The following HENMT1 variants were observed in gnomAD, a reference collection of about 807,000 sequenced individuals.
The protein encoded by HENMT1 is HEN methyltransferase 1.
HENMT1 carries 27 observed loss-of-function variants against 31.1 expected under a neutral mutation model. The ratio of observed to expected loss-of-function variants is 0.87; its 90% confidence interval spans 0.64 to 1.20. The LOEUF (loss-of-function observed/expected upper bound fraction) is 1.20. Among genes scored for constraint, HENMT1 ranks in the 50% most tolerant of loss-of-function variants. HENMT1 has a pLI of 0.00. For synonymous variants in HENMT1, 167 were observed against 172.2 expected (o/e 0.97, Z 0.24); for missense variants, 438 against 469.6 (o/e 0.93, Z 0.62).
chr1:108,659,911 A>C lies in HENMT1; in HGVS notation c.-27T>G. 1 of 1,597,410 alleles carries C rather than the reference A, an allele frequency of 6.3e-7. No individual in the cohort carries two copies. The highest frequency in any genetic ancestry group is 2.3e-5 in the East Asian group (1 of 43,842). ...TTGTTTCGAAGTTTTGTTGAAACAA[A>C]AATGAAGATTTATCCTTCAAGCTCT... is the stretch of plus-strand genomic sequence containing the variant. On this transcript the variant is annotated 5_prime_UTR_variant, in exon 2 of 8. Transcript: ENST00000651461.
chr1:108,657,620 C>T (rs1284562283), intron 2 of HENMT1, 41 bp from the exon 3 acceptor site: 2 of 1,568,580 alleles, frequency 1.3e-6, no homozygotes, highest in Non-Finnish European at 1.7e-6. Flanking sequence ...CTAAATCATG[C>T]ATGACTTCAG....
At chr1:108,654,433 G>A (rs1198361640) in intron 5 of HENMT1, among the ~76,000 whole-genome samples, 1 of 152,198 alleles carries the variant, frequency 6.6e-6, no homozygotes, top group Non-Finnish European at 1.5e-5. Context: ...GGGTGAACAG[G>A]AGAGGGAGGG....
rs1658165261 is a variant in HENMT1, at chr1:108,654,768, C to T, written c.346G>A (p.Val116Met). ...LTITLYHGSV[V>M]ERDSRLLGFD... The stretch of plus-strand genomic sequence containing the variant: ...CCAAGCAAACGAGAGTCTCTCTCCA[C>T]AACGGAGCCATGATACAATGTGATG... The change falls in exon 5 of 8, where the codon GTG becomes ATG. Residue 116 changes from valine (V) to methionine (M), a missense_variant. By Grantham distance (21) the Val-to-Met change is conservative (BLOSUM62 1). Coordinates refer to ENST00000651461, the MANE Select transcript of HENMT1 (RefSeq NM_001102592.2). 2 of 1,614,102 alleles carry T rather than the reference C, an allele frequency of 1.2e-6. No individual in the cohort carries two copies. Among genetic ancestry groups the T allele is most frequent in the Non-Finnish European group, 1.7e-6 (2 of 1,179,970 alleles).
chr1:108,649,066 CT>C, intron 7 of HENMT1, 75 bp from the exon 8 acceptor site: 2 of 1,231,602 alleles, frequency 1.6e-6, no homozygotes, highest in Non-Finnish European at 1.1e-6. Context: ...CCATCAATAA[CT>C]TTTTTGCCAT....
intron 2 of HENMT1, among the ~76,000 whole-genome samples, chr1:108,657,879 A>C (rs1206767706): frequency 4.6e-5 from 7 of 151,884 alleles, no homozygotes; most frequent in Non-Finnish European, 1.0e-4. Context: ...ATGACTCCTA[A>C]CCATAAGGGA....
At chr1:108,653,863 C>T (rs1658134120) in intron 5 of HENMT1, among the ~76,000 whole-genome samples, 1 of 152,178 alleles carries the variant, frequency 6.6e-6, no homozygotes, top group Admixed American at 6.6e-5. Flanking sequence ...GTTCTGTTCA[C>T]TCTATTCTTT....
At chr1:108,657,770 A>G (rs948781023) in intron 2 of HENMT1, among the ~76,000 whole-genome samples, 191 bp from the exon 3 acceptor site, 3 of 152,042 alleles carry the variant, frequency 2.0e-5, no homozygotes, top group Non-Finnish European at 2.9e-5. Flanking sequence ...GCATCCTCTC[A>G]TGCCTTTTAA....
chr1:108,655,874 C>CAA (rs922982030), intron 3 of HENMT1, among the ~76,000 whole-genome samples, 176 bp from the exon 4 acceptor site: 3 of 150,826 alleles, frequency 2.0e-5, no homozygotes, highest in African/African-American at 4.8e-5. Flanking sequence ...CACACACACA[C>CAA]ACACACACAC....
chr1:108,657,709 T>C, intron 2 of HENMT1, 130 bp from the exon 3 acceptor site: 1 of 799,480 alleles, frequency 1.3e-6, no homozygotes. Flanking sequence ...TCACATACCC[T>C]TTGTCCTAAA....
intron 7 of HENMT1, 26 bp from the exon 8 acceptor site, chr1:108,649,017 C>T (rs1437195500): frequency 6.6e-7 from 1 of 1,525,128 alleles, no homozygotes; most frequent in African/African-American, 1.4e-5. Flanking sequence ...AAAACACTTA[C>T]AAGTGTATAA....
At chr1:108,657,065 G>A (rs189701170) in intron 3 of HENMT1, among the ~76,000 whole-genome samples, 8 of 152,238 alleles carry the variant, frequency 5.3e-5, no homozygotes, top group Non-Finnish European at 1.2e-4. Context: ...TGCCTCAAAT[G>A]ATTATCATGA....
At position 108,648,477 on chromosome 1, in the gene HENMT1, T is replaced by A. The variant is rs1332992403; in HGVS notation, c.*89A>T. ...TTTTGCAGTGAAACTTTAAAAACATTACTTGAATTAGGATTACACAAAAAA... is the reference window on the plus strand; with the variant it reads ...TTTTGCAGTGAAACTTTAAAAACATAACTTGAATTAGGATTACACAAAAAA... On this transcript the variant is annotated 3_prime_UTR_variant, in exon 8 of 8. Transcript: ENST00000651461. 3 of 1,096,866 alleles carry A rather than the reference T, an allele frequency of 2.7e-6. No homozygotes were observed. The highest frequency in any genetic ancestry group is 3.9e-6 in the Non-Finnish European group (3 of 772,574). The allele number at this position is 1,096,866 out of a possible 1,614,324, so 67.9% of individuals were successfully genotyped here. A position where few individuals can be genotyped will look rare whatever the true frequency, so the allele number is the denominator to read the frequency against.
At position 108,654,752 on chromosome 1, in the gene HENMT1, C is replaced by CGG; in HGVS notation, c.361_362insCC (p.Arg121ProfsTer8). 1 of 1,613,998 alleles carries CGG rather than the reference C, an allele frequency of 6.2e-7. No homozygotes were observed. The highest frequency in any genetic ancestry group is 1.3e-5 in the African/African-American group (1 of 75,008). On this transcript the variant is annotated frameshift_variant, in exon 5 of 8. Coordinates refer to ENST00000651461, the MANE Select transcript of HENMT1 (RefSeq NM_001102592.2). LOFTEE classifies it high-confidence loss of function. ...CGTTATCAAGTCAAATCCAAGCAAACGAGAGTCTCTCTCCACAACGGAGCC... is the reference window on the plus strand; with the variant it reads ...CGTTATCAAGTCAAATCCAAGCAAACGGGAGAGTCTCTCTCCACAACGGAGCC...
At chr1:108,660,161 A>G (rs1328852367) in intron 1 of HENMT1, among the ~76,000 whole-genome samples, 199 bp from the exon 2 acceptor site, 4 of 151,068 alleles carry the variant, frequency 2.6e-5, no homozygotes, top group South Asian at 2.1e-4. Flanking sequence ...ACTCGAACAG[A>G]TATTTATACA....
chr1:108,648,527 T>A lies in HENMT1; in HGVS notation c.*39A>T. 1 of 1,555,152 alleles carries A rather than the reference T, an allele frequency of 6.4e-7. No individual in the cohort carries two copies. Among genetic ancestry groups the A allele is most frequent in the East Asian group, 2.3e-5 (1 of 44,200 alleles). On this transcript the variant is annotated 3_prime_UTR_variant, in exon 8 of 8. Coordinates refer to ENST00000651461, the MANE Select transcript of HENMT1 (RefSeq NM_001102592.2). The stretch of plus-strand genomic sequence containing the variant: ...AAACTAAATTCTAAGTGAGCACAAC[T>A]ATCGCTGAGACCCTGAAATTTCAGG...
intron 1 of HENMT1, among the ~76,000 whole-genome samples, 193 bp from the exon 2 acceptor site, chr1:108,660,155 G>A (rs1281258188): frequency 1.4e-5 from 2 of 145,842 alleles, no homozygotes; most frequent in Non-Finnish European, 3.0e-5. Flanking sequence ...AGCAGGACTC[G>A]AACAGATATT....
At chr1:108,657,774 C>A (rs1446953679) in intron 2 of HENMT1, among the ~76,000 whole-genome samples, 195 bp from the exon 3 acceptor site, 1 of 152,010 alleles carries the variant, frequency 6.6e-6, no homozygotes, top group African/African-American at 2.4e-5. Flanking sequence ...CCTCTCATGC[C>A]TTTTAACAAG....
intron 5 of HENMT1, 42 bp from the exon 6 acceptor site, chr1:108,651,251 A>C (rs1249481979): frequency 2.0e-6 from 3 of 1,492,884 alleles, no homozygotes; most frequent in African/African-American, 1.4e-5. Context: ...ATCTAGCTTC[A>C]CTTGCACCTA....
chr1:108,657,588 CACAA>C lies in HENMT1; in HGVS notation c.22-13_22-10del. On this transcript the variant is annotated splice_polypyrimidine_tract_variant and intron_variant, in intron 2 of 7. Transcript: ENST00000651461. ...TCAACCACACTACTGCACTGAAGTTCACAAACAAAAAAAGACAGGTTCTAAATCA... is the reference window on the plus strand; with the variant it reads ...TCAACCACACTACTGCACTGAAGTTCACAAAAAAAGACAGGTTCTAAATCA... 4 of 1,593,174 alleles carry C rather than the reference CACAA, an allele frequency of 2.5e-6. No individual in the cohort carries two copies. Among genetic ancestry groups the C allele is most frequent in the Non-Finnish European group, 3.4e-6 (4 of 1,171,792 alleles).
Sources: allele counts gnomAD v4.1 joint callset (sites outside exome capture counted in the v4.1 genomes callset), GRCh38; gene constraint gnomAD v4.1.1; transcripts MANE v1.5; gene names NCBI Gene and HGNC (gene_info 2026-07-23, HGNC 2026-07-21).